Variants in DHX8 observed in about 807,000 individuals in gnomAD.
DHX8 encodes DEAH-box helicase 8.
DHX8 carries 67 observed loss-of-function variants against 140.7 expected under a neutral mutation model. The ratio of observed to expected loss-of-function variants is 0.48; its 90% CI spans 0.39 to 0.58. DHX8 has a LOEUF of 0.58. Ranked by LOEUF, DHX8 falls within the 20% of genes least tolerant of loss-of-function variation. The pLI is 0.00. For missense variants in DHX8, 887 were observed against 1,550.7 expected, an observed-to-expected ratio of 0.57 and a Z score of 7.19; for synonymous variants, 533 against 553.2, an observed-to-expected ratio of 0.96 and a Z score of 0.51.
intron 11 of DHX8, among the ~76,000 whole-genome samples, chr17:43,502,447 T>G (rs1249649176): frequency 1.3e-5 from 2 of 152,168 alleles, no homozygotes; most frequent in Admixed American, 1.3e-4. Context: ...GTTTTTGAGA[T>G]GGAGTCTCAC....
At chr17:43,510,490 TG>T (rs1367246774) in intron 16 of DHX8, among the ~76,000 whole-genome samples, 1 of 152,264 alleles carries the variant, frequency 6.6e-6, no homozygotes, top group African/African-American at 2.4e-5. Context: ...ATGTAAACTA[TG>T]CACATCTTCC....
chr17:43,493,384 G>C, intron 6 of DHX8, 61 bp from the exon 7 acceptor site: 1 of 1,592,128 alleles, frequency 6.3e-7, no homozygotes, highest in Non-Finnish European at 8.6e-7. Context: ...AGTAAGGGTA[G>C]AAATTGGTTG....
chr17:43,521,473 C>G lies in DHX8; in HGVS notation c.3171C>G (p.Phe1057Leu). ...AVYNSWKNNK[F>L]SNPWCYENFI... Reference sequence around the variant, plus strand: ...ACAACTCCTGGAAGAACAACAAGTTCTCCAACCCATGGTGCTATGAGAACT... The same window carrying G: ...ACAACTCCTGGAAGAACAACAAGTTGTCCAACCCATGGTGCTATGAGAACT... Residue 1057 changes from phenylalanine (F) to leucine (L), a missense_variant, in exon 21 of 23, where the codon TTC becomes TTG. Coordinates refer to ENST00000262415, the MANE Select transcript of DHX8 (RefSeq NM_004941.3). 1 of 1,613,940 alleles carries G rather than the reference C, an allele frequency of 6.2e-7. No homozygotes were observed. The highest frequency in any genetic ancestry group is 8.5e-7 in the Non-Finnish European group (1 of 1,179,994).
intron 11 of DHX8, among the ~76,000 whole-genome samples, chr17:43,500,487 G>GA (rs960744715): frequency 6.7e-6 from 1 of 149,850 alleles, no homozygotes; most frequent in South Asian, 2.1e-4. Flanking sequence ...ACTCCATCTC[G>GA]AAAAAAAAAT....
chr17:43,489,873 A>G (rs1968403484), intron 2 of DHX8, among the ~76,000 whole-genome samples: 1 of 152,196 alleles, frequency 6.6e-6, no homozygotes, highest in African/African-American at 2.4e-5. Context: ...TACATAATTT[A>G]TGTTTTAATG....
downstream of DHX8, chr17:43,526,318 G>C (rs141686245): frequency 1.8e-5 from 26 of 1,420,268 alleles, no homozygotes; most frequent in Middle Eastern, 2.6e-4. Context: ...CCCCCACCCC[G>C]CGAGAACCAA....
intron 11 of DHX8, 21 bp from the exon 12 acceptor site, chr17:43,504,623 G>C (rs370989836): frequency 1.2e-6 from 2 of 1,600,436 alleles, no homozygotes; most frequent in African/African-American, 2.7e-5. Context: ...ACAATACTAA[G>C]TTGCCTGTTT....
intron 3 of DHX8, among the ~76,000 whole-genome samples, chr17:43,543,712 A>C: frequency 6.6e-6 from 1 of 152,198 alleles, no homozygotes; most frequent in East Asian, 1.9e-4. Flanking sequence ...CAGGACTTGC[A>C]GGGTCGGGGA....
intron 1 of DHX8, among the ~76,000 whole-genome samples, chr17:43,487,300 A>G (rs971141328): frequency 6.6e-6 from 1 of 152,346 alleles, no homozygotes; most frequent in Admixed American, 6.5e-5. Flanking sequence ...TCACTTTATC[A>G]GAAAGATAAA....
chr17:43,534,064 T>C, intron 2 of DHX8: 1 of 1,380,846 alleles, frequency 7.2e-7, no homozygotes, highest in Non-Finnish European at 9.3e-7. Context: ...CCTTCTGAGC[T>C]TTGAGGACCA....
intron 16 of DHX8, among the ~76,000 whole-genome samples, chr17:43,509,971 T>A (rs890978431): frequency 2.1e-4 from 31 of 149,274 alleles, no homozygotes; most frequent in African/African-American, 7.1e-4. Context: ...GCCCAGCCAA[T>A]TTTTGTATTT....
At chr17:43,536,359 C>G (rs1419865090) in intron 2 of DHX8, 12 of 1,389,584 alleles carry the variant, frequency 8.6e-6, no homozygotes, top group Non-Finnish European at 8.2e-6. Context: ...TTGTGATTCT[C>G]TATCCTATGA....
chr17:43,501,182 A>T (rs1969173495), intron 11 of DHX8, among the ~76,000 whole-genome samples: 1 of 152,140 alleles, frequency 6.6e-6, no homozygotes, highest in African/African-American at 2.4e-5. Flanking sequence ...AGGCAGTGTA[A>T]TTGACTGTGG....
chr17:43,488,425 C>G (rs1968305338), intron 1 of DHX8, among the ~76,000 whole-genome samples: 1 of 151,888 alleles, frequency 6.6e-6, no homozygotes, highest in Admixed American at 6.6e-5. Context: ...TCCTGGCTAA[C>G]ATGGTGAAAC....
At chr17:43,530,590 C>G (rs982794898), downstream of DHX8, among the ~76,000 whole-genome samples, 1 of 145,600 alleles carries the variant, frequency 6.9e-6, no homozygotes, top group Non-Finnish European at 1.5e-5. Flanking sequence ...GGTCAGGTTC[C>G]CAGCCCTGTG....
intron 2 of DHX8, chr17:43,533,395 A>G (rs948485220): frequency 5.1e-6 from 8 of 1,562,724 alleles, no homozygotes; most frequent in Non-Finnish European, 7.0e-6. Flanking sequence ...GAAGCTGGAA[A>G]GCATCTTTGA....
rs1479452322 is a variant in DHX8, at chr17:43,523,500, T to G, written c.3444-128T>G. On this transcript the variant is annotated intron_variant, in intron 22 of 22. Coordinates refer to ENST00000262415, the MANE Select transcript of DHX8 (RefSeq NM_004941.3). ...TGGCTGTCATAAACAGACTGCAGTC[T>G]TATAGGTGTCAGGCAGGAGAGGTAA... 4.2e-6 allele frequency: 6 copies of G among 1,438,442 alleles called. No individual in the cohort carries two copies. In the African/African-American group the frequency reaches 8.5e-5, roughly 20 times the overall value. 89.1% of individuals were successfully genotyped at this position (1,438,442 alleles called of 1,614,324 possible).
intron 17 of DHX8, among the ~76,000 whole-genome samples, chr17:43,514,849 C>A (rs1409387039): frequency 6.6e-6 from 1 of 152,112 alleles, no homozygotes; most frequent in African/African-American, 2.4e-5. Flanking sequence ...TGGTGTGTAT[C>A]TATATTTAAT....
intron 3 of DHX8, among the ~76,000 whole-genome samples, chr17:43,542,825 G>A (rs1971590209): frequency 6.6e-6 from 1 of 152,022 alleles, no homozygotes; most frequent in African/African-American, 2.4e-5. Context: ...CTTCAAATTG[G>A]GGCTTTGGAA....
Sources: allele counts gnomAD v4.1 joint callset (sites outside exome capture counted in the v4.1 genomes callset), GRCh38; gene constraint gnomAD v4.1.1; transcripts MANE v1.5; gene names NCBI Gene and HGNC (gene_info 2026-07-23, HGNC 2026-07-21).